Variants in IL1RAPL2 observed in about 807,000 individuals in gnomAD.
IL1RAPL2 encodes the protein interleukin 1 receptor accessory protein like 2, also known as X-linked interleukin-1 receptor accessory protein-like 2.
IL1RAPL2 carries 3 observed loss-of-function variants against 44.1 expected under a neutral mutation model. The observed-to-expected ratio is 0.07, with a 90% CI of 0.03 to 0.18. The LOEUF is 0.18. IL1RAPL2 is among the 10% of genes least tolerant of loss of function. IL1RAPL2 has a pLI of 1.00. For synonymous variants in IL1RAPL2, 181 were observed against 178.8 expected (o/e 1.01, Z -0.10); for missense variants, 391 against 496.4 (o/e 0.79, Z 2.02).
chrX:104,620,999 A>G (rs1410409118), intron 1 of IL1RAPL2, among the ~76,000 whole-genome samples: 1 of 104,232 alleles, frequency 9.6e-6, no homozygotes, highest in Non-Finnish European at 1.9e-5. Flanking sequence ...TATACATTCT[A>G]TAATTCTAGT....
chrX:105,442,499 G>A (rs763161921), intron 5 of IL1RAPL2, among the ~76,000 whole-genome samples: 1 of 112,054 alleles, frequency 8.9e-6, no homozygotes, highest in East Asian at 2.8e-4. Flanking sequence ...ATTCACAAAT[G>A]TTAGCTCCCT....
intron 1 of IL1RAPL2, among the ~76,000 whole-genome samples, chrX:104,581,351 A>C (rs1001198019): frequency 6.2e-5 from 7 of 112,228 alleles, no homozygotes; most frequent in South Asian, 3.7e-4. Context: ...AAGACTAATA[A>C]AAATGATAGG....
intron 2 of IL1RAPL2, among the ~76,000 whole-genome samples, chrX:104,971,068 C>G (rs1006548352): frequency 8.9e-6 from 1 of 112,061 alleles, no homozygotes; most frequent in Non-Finnish European, 1.9e-5. Flanking sequence ...CCCTACGAGG[C>G]CGGGCATGGT....
intron 2 of IL1RAPL2, among the ~76,000 whole-genome samples, chrX:105,160,923 A>G (rs973994938): frequency 8.9e-6 from 1 of 111,848 alleles, no homozygotes; most frequent in Non-Finnish European, 1.9e-5. Context: ...TAATCTCTAG[A>G]TAGGTAGACA....
intron 2 of IL1RAPL2, among the ~76,000 whole-genome samples, chrX:104,990,529 C>G (rs1440393946): frequency 9.0e-6 from 1 of 110,924 alleles, no homozygotes; most frequent in Non-Finnish European, 1.9e-5. Flanking sequence ...AGGCATCTGA[C>G]AGGAAAAGTA....
intron 1 of IL1RAPL2, among the ~76,000 whole-genome samples, chrX:104,653,766 G>A (rs770415613): frequency 1.9e-4 from 21 of 111,139 alleles, no homozygotes; most frequent in Non-Finnish European, 3.4e-4. Context: ...CTTTAGGTAC[G>A]AACTAATTAT....
chrX:105,207,368 A>G (rs919998821), intron 3 of IL1RAPL2, among the ~76,000 whole-genome samples: 6 of 111,962 alleles, frequency 5.4e-5, no homozygotes, highest in African/African-American at 1.9e-4. Flanking sequence ...TAGAAAACAT[A>G]GTCTAGCAAC....
intron 2 of IL1RAPL2, among the ~76,000 whole-genome samples, chrX:104,810,344 G>T (rs1040089286): frequency 4.5e-5 from 5 of 110,577 alleles, no homozygotes; most frequent in Non-Finnish European, 9.5e-5. Context: ...CAGCACACCA[G>T]CATGTCACAT....
intron 2 of IL1RAPL2, among the ~76,000 whole-genome samples, chrX:104,876,766 A>C (rs1219336280): frequency 9.8e-6 from 1 of 101,661 alleles, no homozygotes; most frequent in African/African-American, 3.7e-5. Flanking sequence ...TTTAGGGTAC[A>C]TGTGCACAAT....
chrX:105,163,408 G>A (rs1180256093), intron 2 of IL1RAPL2, among the ~76,000 whole-genome samples: 2 of 111,645 alleles, frequency 1.8e-5, no homozygotes, highest in African/African-American at 6.5e-5. Context: ...CATGACTCCG[G>A]GTTTTGCTTT....
chrX:104,637,932 A>G (rs1929856964), intron 1 of IL1RAPL2, among the ~76,000 whole-genome samples: 1 of 111,067 alleles, frequency 9.0e-6, no homozygotes, highest in Admixed American at 9.7e-5. Flanking sequence ...GAATCATTTC[A>G]GGATAATTGG....
intron 10 of IL1RAPL2, among the ~76,000 whole-genome samples, chrX:105,766,734 T>TTATG (rs1364057182): frequency 9.1e-6 from 1 of 110,414 alleles, no homozygotes; most frequent in Non-Finnish European, 1.9e-5. Flanking sequence ...AAGTCAGAGT[T>TTATG]TATGTTAGCC....
intron 6 of IL1RAPL2, among the ~76,000 whole-genome samples, chrX:105,565,144 A>C (rs762750315): frequency 1.9e-4 from 21 of 111,849 alleles, no homozygotes; most frequent in Non-Finnish European, 4.0e-4. Context: ...TTTGAGAACT[A>C]GGTGTTTGGA....
At chrX:105,557,205 C>G (rs144226126) in intron 6 of IL1RAPL2, among the ~76,000 whole-genome samples, 1,804 of 111,579 alleles carry the variant, frequency 0.016, 20 homozygotes, top group South Asian at 0.026. Context: ...GTTCACAATC[C>G]CCCTCTTTCT....
intron 1 of IL1RAPL2, among the ~76,000 whole-genome samples, chrX:104,621,120 A>G (rs1020391734): frequency 2.8e-5 from 3 of 105,579 alleles, no homozygotes; most frequent in African/African-American, 6.8e-5. Context: ...TGTAACATAT[A>G]TTACATCTCA....
chrX:105,367,541 G>A (rs768897597), intron 5 of IL1RAPL2, among the ~76,000 whole-genome samples: 37 of 110,393 alleles, frequency 3.4e-4, no homozygotes, highest in South Asian at 2.3e-3. Flanking sequence ...GCTAACATGG[G>A]GCTTATATAA....
chrX:104,897,553 T>A (rs915303361), intron 2 of IL1RAPL2, among the ~76,000 whole-genome samples: 19 of 112,198 alleles, frequency 1.7e-4, no homozygotes, highest in Non-Finnish European at 3.2e-4. Context: ...GAACCCCACC[T>A]CTCTGTGGGA....
chrX:104,809,578 G>GT (rs777498678), intron 2 of IL1RAPL2, among the ~76,000 whole-genome samples: 28 of 108,941 alleles, frequency 2.6e-4, no homozygotes, highest in African/African-American at 7.3e-4. Context: ...GGGGTTGTTT[G>GT]TTTTTTTTCT....
intron 6 of IL1RAPL2, among the ~76,000 whole-genome samples, chrX:105,498,074 G>GA (rs764519941): frequency 1.3e-3 from 143 of 111,178 alleles, no homozygotes; most frequent in African/African-American, 4.3e-3. Flanking sequence ...GCAAGAAAAA[G>GA]AAAAAAAGGC....
Sources: gnomAD v4.1 joint callset for allele counts (sites outside exome capture counted in the v4.1 genomes callset) on GRCh38, gnomAD v4.1.1 for gene constraint, MANE v1.5 for transcripts, NCBI Gene and HGNC (gene_info 2026-07-23, HGNC 2026-07-21) for gene names.